The following EDIL3 variants were observed in gnomAD, a reference collection of about 807,000 sequenced individuals.
The protein encoded by EDIL3 is EGF-like repeat and discoidin I-like domain-containing protein 3.
EDIL3 carries 37 observed loss-of-function variants against 67.4 expected under a neutral mutation model. The ratio of observed to expected loss-of-function variants is 0.55; its 90% CI spans 0.42 to 0.72. The LOEUF (loss-of-function observed/expected upper bound fraction) is 0.72. Ranked by LOEUF, EDIL3 falls within the 30% of genes least tolerant of loss-of-function variation. The pLI is 0.00. For missense variants in EDIL3, 527 were observed against 586.3 expected (o/e 0.90, Z 1.04); for synonymous variants, 195 against 196.3 (o/e 0.99, Z 0.05).
chr5:84,239,804 G>T (rs1744761317), intron 2 of EDIL3, among the ~76,000 whole-genome samples: 1 of 152,114 alleles, frequency 6.6e-6, no homozygotes, highest in South Asian at 2.1e-4. Context: ...TTTCTCTCTA[G>T]CAAAGAATCT....
chr5:84,106,638 C>T lies in EDIL3; in HGVS notation c.651+11G>A, dbSNP rs55742505. 0.085 allele frequency: 135,355 copies of T among 1,590,200 alleles called. 6,294 individuals are homozygous for T. Among genetic ancestry groups the T allele is most frequent in the Middle Eastern group, 0.1 (608 of 5,900 alleles). On this transcript the variant is annotated intron_variant, in intron 6 of 10. Coordinates refer to ENST00000296591, the MANE Select transcript of EDIL3 (RefSeq NM_005711.5). ...CTTATAACATTAACCTTGTCCCATC[C>T]CATCTGTTACCTGAATCCACGGCCA...
intron 10 of EDIL3, among the ~76,000 whole-genome samples, chr5:83,962,309 T>C (rs1412262375): frequency 1.3e-5 from 2 of 151,488 alleles, no homozygotes; most frequent in Non-Finnish European, 3.0e-5. Context: ...AAATCCTTCA[T>C]CTGAGAGTTT....
chr5:83,956,680 A>G (rs1312841690), intron 10 of EDIL3, among the ~76,000 whole-genome samples: 4 of 151,752 alleles, frequency 2.6e-5, no homozygotes, highest in African/African-American at 9.7e-5. Context: ...ATACCAGCAC[A>G]TATCCTAGTC....
chr5:84,340,503 A>ACTCTCTCTCTCTCTCT (rs1170972212), intron 1 of EDIL3, among the ~76,000 whole-genome samples: 40 of 38,670 alleles, frequency 1.0e-3, no homozygotes, highest in Non-Finnish European at 1.3e-3. Context: ...AGGGAAGATT[A>ACTCTCTCTCTCTCTCT]CTCTCTCTCT....
chr5:84,266,099 T>C (rs967457051), intron 1 of EDIL3, among the ~76,000 whole-genome samples: 1 of 152,202 alleles, frequency 6.6e-6, no homozygotes, highest in African/African-American at 2.4e-5. Context: ...TTTTGTTACC[T>C]CTCTGGGCTA....
intron 1 of EDIL3, among the ~76,000 whole-genome samples, chr5:84,335,301 T>C (rs187302741): frequency 9.2e-5 from 14 of 152,228 alleles, no homozygotes; most frequent in African/African-American, 1.2e-4. Flanking sequence ...TTTATAGCCA[T>C]GCTGTCCCTT....
At chr5:84,176,463 A>G (rs1302628904) in intron 4 of EDIL3, among the ~76,000 whole-genome samples, 1 of 151,134 alleles carries the variant, frequency 6.6e-6, no homozygotes, top group Non-Finnish European at 1.5e-5. Context: ...ATGTGCTCTT[A>G]AAAGGAATCA....
At chr5:83,981,876 T>C (rs1052929022) in intron 9 of EDIL3, among the ~76,000 whole-genome samples, 15 of 152,262 alleles carry the variant, frequency 9.9e-5, no homozygotes, top group African/African-American at 3.4e-4. Flanking sequence ...CGAATTCATT[T>C]TGTATTACTT....
At chr5:84,296,289 G>C (rs188658071) in intron 1 of EDIL3, among the ~76,000 whole-genome samples, 4 of 152,220 alleles carry the variant, frequency 2.6e-5, no homozygotes, top group African/African-American at 7.2e-5. Context: ...TGCTAAGTAG[G>C]TGCCTTATTA....
intron 1 of EDIL3, among the ~76,000 whole-genome samples, chr5:84,366,472 C>T (rs150657768): frequency 1.3e-5 from 2 of 152,274 alleles, no homozygotes. Flanking sequence ...TTGTCTAATG[C>T]TTACTTCTTT....
intron 3 of EDIL3, among the ~76,000 whole-genome samples, chr5:84,187,661 T>A (rs1420391356): frequency 6.6e-6 from 1 of 152,106 alleles, no homozygotes; most frequent in Non-Finnish European, 1.5e-5. Flanking sequence ...CATATCGAAG[T>A]TATCTTCAGT....
chr5:84,182,270 TACACACAC>T (rs71607704), intron 3 of EDIL3, among the ~76,000 whole-genome samples: 302 of 141,854 alleles, frequency 2.1e-3, no homozygotes, highest in African/African-American at 3.8e-3. Flanking sequence ...CTACAAAAAA[TACACACAC>T]ACACACACAC....
intron 3 of EDIL3, among the ~76,000 whole-genome samples, chr5:84,225,277 G>A (rs904242874): frequency 1.3e-5 from 2 of 151,586 alleles, no homozygotes; most frequent in African/African-American, 4.8e-5. Flanking sequence ...TCCCCTCTAC[G>A]AGTCAACATT....
intron 9 of EDIL3, among the ~76,000 whole-genome samples, chr5:84,031,893 A>G (rs1346505698): frequency 6.6e-6 from 1 of 152,206 alleles, no homozygotes; most frequent in Non-Finnish European, 1.5e-5. Context: ...TATGCTGGAT[A>G]TGTTACCACA....
chr5:84,064,531 T>C (rs1580307809), intron 8 of EDIL3, among the ~76,000 whole-genome samples, 169 bp downstream of exon 8: 1 of 152,348 alleles, frequency 6.6e-6, no homozygotes, highest in Admixed American at 6.5e-5. Context: ...AGAACTTGTT[T>C]ATTCTATACA....
At chr5:84,313,615 T>C (rs1746449492) in intron 1 of EDIL3, among the ~76,000 whole-genome samples, 1 of 152,164 alleles carries the variant, frequency 6.6e-6, no homozygotes, top group Non-Finnish European at 1.5e-5. Context: ...TTAAGTAAGG[T>C]GGTAACTCCC....
chr5:84,115,508 G>A (rs1020626528), intron 5 of EDIL3, among the ~76,000 whole-genome samples: 1 of 152,148 alleles, frequency 6.6e-6, no homozygotes, highest in Non-Finnish European at 1.5e-5. Flanking sequence ...TAGAGCCTAT[G>A]AACTCCAGTA....
intron 5 of EDIL3, among the ~76,000 whole-genome samples, chr5:84,110,693 A>G (rs1275727541): frequency 2.0e-5 from 3 of 152,210 alleles, no homozygotes; most frequent in Non-Finnish European, 4.4e-5. Flanking sequence ...CTTGTAAAAG[A>G]TGACTGTGTA....
At chr5:83,970,607 G>A (rs1333849565) in intron 9 of EDIL3, among the ~76,000 whole-genome samples, 3 of 128,582 alleles carry the variant, frequency 2.3e-5, no homozygotes, top group Non-Finnish European at 4.8e-5. Flanking sequence ...AACCATCTTG[G>A]TTTTATGTGT....
Sources: gnomAD v4.1 joint callset for allele counts (sites outside exome capture counted in the v4.1 genomes callset) on GRCh38, gnomAD v4.1.1 for gene constraint, MANE v1.5 for transcripts, NCBI Gene and HGNC (gene_info 2026-07-23, HGNC 2026-07-21) for gene names.